CACNA1D: variants seen among roughly 807,000 people sequenced by gnomAD.
CACNA1D encodes voltage-dependent L-type calcium channel subunit alpha-1D.
Under a neutral mutation model 257.1 loss-of-function variants are expected in CACNA1D, and 55 were observed. The observed-to-expected ratio is 0.21, with a 90% CI of 0.17 to 0.27. The LOEUF is 0.27. Among genes scored for constraint, CACNA1D ranks in the 10% least tolerant of loss-of-function variants. The pLI is 1.00. For synonymous variants in CACNA1D, 980 were observed against 1,014.9 expected (o/e 0.97, Z 0.65); for missense variants, 1,876 against 2,784.0 (o/e 0.67, Z 7.34).
At chr3:53,738,938 G>T (rs2095086562) in intron 20 of CACNA1D, among the ~76,000 whole-genome samples, 2 of 151,824 alleles carry the variant, frequency 1.3e-5, no homozygotes, top group Admixed American at 1.3e-4. Context: ...GGAAAAGTTG[G>T]CTGAGGCCTG....
intron 7 of CACNA1D, among the ~76,000 whole-genome samples, chr3:53,668,780 G>A (rs995965069): frequency 5.9e-5 from 9 of 152,184 alleles, no homozygotes; most frequent in African/African-American, 1.9e-4. Flanking sequence ...GCAGCCATGG[G>A]CAATACATAA....
At chr3:53,721,499 TC>T (rs1211143221) in intron 11 of CACNA1D, among the ~76,000 whole-genome samples, 1 of 152,178 alleles carries the variant, frequency 6.6e-6, no homozygotes, top group African/African-American at 2.4e-5. Context: ...TACCAAAGCA[TC>T]CCCTTGTGGC....
chr3:53,800,890 G>A lies in CACNA1D; in HGVS notation c.5041-168G>A, dbSNP rs1255129743. On this transcript the variant is annotated intron_variant, in intron 41 of 47. Coordinates refer to ENST00000350061, the MANE Select transcript of CACNA1D (RefSeq NM_001128840.3). This position sits in a 1 kb window ranked among gnomAD's most constrained non-coding sequence, Gnocchi z 4.3. ...CTTCCTCATCTCGGGGGGACCAACT[G>A]CCACACAGTCACATTCACCCTGATC... is the stretch of plus-strand genomic sequence containing the variant. 3.6e-5 allele frequency: 25 copies of A among 693,808 alleles called. No homozygotes were observed. The highest frequency in any genetic ancestry group is 5.8e-5 in the Non-Finnish European group (23 of 394,926). 43.0% of individuals were successfully genotyped at this position (693,808 alleles called of 1,614,324 possible). A position where few individuals can be genotyped will look rare whatever the true frequency, so the allele number is the denominator to read the frequency against.
chr3:53,771,055 A>G (rs918658125), intron 32 of CACNA1D, among the ~76,000 whole-genome samples: 1 of 152,208 alleles, frequency 6.6e-6, no homozygotes, highest in Admixed American at 6.5e-5. Flanking sequence ...ATGTTTGGGC[A>G]TACACCATGT....
At chr3:53,691,841 C>CATATATA (rs1209786930) in intron 8 of CACNA1D, among the ~76,000 whole-genome samples, 2 of 87,708 alleles carry the variant, frequency 2.3e-5, no homozygotes, top group Admixed American at 1.7e-4. Flanking sequence ...ATATATATTA[C>CATATATA]ATATATAATA....
At chr3:53,662,500 G>C (rs1023105725) in intron 5 of CACNA1D, among the ~76,000 whole-genome samples, 1 of 152,150 alleles carries the variant, frequency 6.6e-6, no homozygotes, top group Non-Finnish European at 1.5e-5. Flanking sequence ...GACCATCAAA[G>C]TGGAAAAGAA....
chr3:53,758,275 C>A (rs1286344682), intron 29 of CACNA1D, among the ~76,000 whole-genome samples: 2 of 152,184 alleles, frequency 1.3e-5, no homozygotes, highest in African/African-American at 4.8e-5. Context: ...GGGTCAAATG[C>A]TACCCAAATA....
chr3:53,560,827 A>C (rs2107634900), intron 3 of CACNA1D, among the ~76,000 whole-genome samples: 1 of 152,310 alleles, frequency 6.6e-6, no homozygotes, highest in South Asian at 2.1e-4. Context: ...TTTACTGACC[A>C]CTAATTTATG....
intron 3 of CACNA1D, among the ~76,000 whole-genome samples, chr3:53,510,561 G>T (rs908510002): frequency 1.3e-5 from 2 of 152,322 alleles, no homozygotes; most frequent in East Asian, 1.9e-4. Context: ...GAAAACGTTT[G>T]TCTGGGATGA....
In CACNA1D at chr3:53,713,541, T is replaced by TGAGAGA. The variant is rs1473642337; in HGVS notation, c.1391-4759_1391-4758insAGAGAG. 4.7e-5 allele frequency among the ~76,000 whole-genome samples: 6 copies of TGAGAGA among 127,726 alleles called. No homozygotes were observed. In the South Asian group the frequency reaches 1.6e-3, roughly 35 times the overall value. The allele number at this position is 127,726 out of a possible 152,430, so 83.8% of individuals were successfully genotyped here. On this transcript the variant is annotated intron_variant, in intron 9 of 47. Transcript: ENST00000350061. ...GTGTGTGTGTGTGTGTGTGTGTGTGTGTGAGAGATTTGCCTCCAAATTCAC... is the reference window on the plus strand; with the variant it reads ...GTGTGTGTGTGTGTGTGTGTGTGTGTGAGAGAGTGAGAGATTTGCCTCCAAATTCAC...
At chr3:53,626,533 C>T (rs2093760793) in intron 3 of CACNA1D, among the ~76,000 whole-genome samples, 1 of 151,566 alleles carries the variant, frequency 6.6e-6, no homozygotes, top group Non-Finnish European at 1.5e-5. Flanking sequence ...GGGAAGACTT[C>T]TAACCTGAGC....
chr3:53,732,032 A>T lies in CACNA1D; in HGVS notation c.2423A>T (p.Tyr808Phe), dbSNP rs1048955693. 1 of 1,609,894 alleles carries T rather than the reference A, an allele frequency of 6.2e-7. No individual in the cohort carries two copies. Among genetic ancestry groups the T allele is most frequent in the Non-Finnish European group, 8.5e-7 (1 of 1,176,028 alleles). The stretch of plus-strand genomic sequence containing the variant: ...TCATCCTAGGTTACAATTGATGACT[A>T]TAGAGAAGAGGATGAAGACAAGGAC... ...NSDNKVTIDD[Y>F]REEDEDKDPY... Residue 808 changes from tyrosine (Y) to phenylalanine (F), a missense_variant, in exon 18 of 48, where the codon TAT (tyrosine) becomes TTT (phenylalanine). Tyr to Phe is a conservative substitution (Grantham distance 22). Around this residue, in one of 10 missense-constraint regions of CACNA1D, gnomAD observed 78 missense variants for 69.2 expected, o/e 1.13. Transcript: ENST00000350061.
intron 46 of CACNA1D, 179 bp from the exon 47 acceptor site, chr3:53,809,799 G>C (rs2095586639): frequency 6.1e-6 from 4 of 652,404 alleles, no homozygotes; most frequent in Non-Finnish European, 1.1e-5. Flanking sequence ...CAGTCTGCTA[G>C]AAAACAAAGT....
intron 3 of CACNA1D, among the ~76,000 whole-genome samples, chr3:53,554,276 T>A (rs1340253607): frequency 6.6e-6 from 1 of 151,990 alleles, no homozygotes; most frequent in East Asian, 1.9e-4. Flanking sequence ...ACTGTAAGTG[T>A]GCCTATATGT....
chr3:53,799,822 G>A (rs1409879590), intron 40 of CACNA1D: 6 of 278,254 alleles, frequency 2.2e-5, no homozygotes, highest in Non-Finnish European at 3.5e-5. Context: ...ATGCAGCAAG[G>A]GAGTCCACAT....
intron 3 of CACNA1D, among the ~76,000 whole-genome samples, chr3:53,590,308 C>T (rs562328822): frequency 1.3e-5 from 2 of 152,374 alleles, no homozygotes; most frequent in Admixed American, 1.3e-4. Context: ...AGCTCCACAT[C>T]ATCATTTGTT....
At chr3:53,554,075 AG>A (rs2092592467) in intron 3 of CACNA1D, among the ~76,000 whole-genome samples, 1 of 151,962 alleles carries the variant, frequency 6.6e-6, no homozygotes, top group Admixed American at 6.6e-5. Context: ...GGGTGCCTAT[AG>A]TCCCAGCTAC....
chr3:53,669,009 C>CTAGA (rs982967137), intron 7 of CACNA1D, among the ~76,000 whole-genome samples: 3 of 152,176 alleles, frequency 2.0e-5, no homozygotes, highest in Non-Finnish European at 2.9e-5. Flanking sequence ...CTGGCCTAGA[C>CTAGA]TAGAACCCAG....
chr3:53,507,081 A>G (rs937036923), intron 3 of CACNA1D, among the ~76,000 whole-genome samples: 2 of 150,950 alleles, frequency 1.3e-5, no homozygotes, highest in African/African-American at 4.9e-5. Context: ...TCAAAAAAAA[A>G]AAAAAAAAAA....
Sources: allele counts gnomAD v4.1 joint callset (sites outside exome capture counted in the v4.1 genomes callset), GRCh38; gene constraint gnomAD v4.1.1; regional missense constraint gnomAD v4.1.1; non-coding constraint Gnocchi (gnomAD v3.1); transcripts MANE v1.5; gene names NCBI Gene and HGNC (gene_info 2026-07-23, HGNC 2026-07-21).